The following UBE2Z variants were observed in gnomAD, a reference collection of about 807,000 sequenced individuals.
The protein encoded by UBE2Z is ubiquitin-conjugating enzyme E2 Z.
UBE2Z carries 10 observed loss-of-function variants against 32.6 expected under a neutral mutation model. The ratio of observed to expected loss-of-function variants is 0.31; its 90% confidence interval spans 0.19 to 0.52. The LOEUF (loss-of-function observed/expected upper bound fraction) is 0.52. UBE2Z is among the 20% of genes least tolerant of loss of function. The probability of loss-of-function intolerance (pLI) is 0.97; values close to 1 mark genes in which losing one functional copy is unlikely to be tolerated. For synonymous variants in UBE2Z, 183 were observed against 190.8 expected (o/e 0.96, Z 0.34); for missense variants, 343 against 480.9 (o/e 0.71, Z 2.68).
At chr17:48,923,117 T>G in intron 6 of UBE2Z, 180 bp downstream of exon 6, 2 of 475,550 alleles carry the variant, frequency 4.2e-6, no homozygotes, top group Non-Finnish European at 3.8e-6. Context: ...GTCGGGAAAT[T>G]GAGACCATCC....
chr17:48,911,240 A>G lies in UBE2Z; in HGVS notation c.390+360A>G, dbSNP rs1291978027. On this transcript the variant is annotated intron_variant, in intron 2 of 6. Transcript: ENST00000360943. ...TACCCAGCTCTTCCCCCATCCCGTT[A>G]CTCTTGACATTAACTATGCTATGGT... 6 of 220,148 alleles carry G rather than the reference A, an allele frequency of 2.7e-5. No individual in the cohort carries two copies. The East Asian group carries it at 5.9e-4, about 22-fold the overall frequency. 13.6% of individuals were successfully genotyped at this position (220,148 alleles called of 1,614,324 possible).
At chr17:48,921,795 G>T (rs1598076234) in intron 5 of UBE2Z, among the ~76,000 whole-genome samples, 1 of 152,186 alleles carries the variant, frequency 6.6e-6, no homozygotes, top group Admixed American at 6.5e-5. Flanking sequence ...TTGGGAGGCT[G>T]AGGCGGGAGG....
intron 6 of UBE2Z, among the ~76,000 whole-genome samples, chr17:48,925,411 T>G (rs2040791336): frequency 6.6e-6 from 1 of 152,100 alleles, no homozygotes; most frequent in Non-Finnish European, 1.5e-5. Flanking sequence ...TAGGAGGAGA[T>G]GACTTATGCC....
At position 48,927,099 on chromosome 17, in the gene UBE2Z, A is replaced by G; in HGVS notation, c.1030A>G (p.Thr344Ala). ...EMDSDSSSSGTETDLHGSLRV is the reference protein window; with the variant it reads ...EMDSDSSSSGAETDLHGSLRV ...GGACTCTGATAGCAGTTCATCTGGG[A>G]CAGAGACAGACCTTCATGGGAGCCT... Residue 344 changes from threonine (T) to alanine (A), a missense_variant, in exon 7 of 7, where the codon ACA becomes GCA. This residue lies in a region of UBE2Z where 182 missense variants were observed against 312.4 expected (regional missense o/e 0.58). Coordinates refer to ENST00000360943, the MANE Select transcript of UBE2Z (RefSeq NM_023079.5). 1 of 1,613,920 alleles carries G rather than the reference A, an allele frequency of 6.2e-7. No homozygotes were observed. The highest frequency in any genetic ancestry group is 1.1e-5 in the South Asian group (1 of 91,084).
chr17:48,921,327 A>C, intron 5 of UBE2Z, 55 bp downstream of exon 5: 1 of 1,375,890 alleles, frequency 7.3e-7, no homozygotes. Flanking sequence ...GGTAGTTGGC[A>C]TCTTTGGGGC....
chr17:48,918,585 G>A (rs916101713), intron 4 of UBE2Z, among the ~76,000 whole-genome samples: 2 of 151,876 alleles, frequency 1.3e-5, no homozygotes, highest in African/African-American at 2.4e-5. Flanking sequence ...AGCCTGCCTC[G>A]GCCTCACAAA....
intron 6 of UBE2Z, among the ~76,000 whole-genome samples, chr17:48,925,647 A>G (rs1254851657): frequency 2.6e-5 from 4 of 152,236 alleles, no homozygotes; most frequent in African/African-American, 9.6e-5. Flanking sequence ...AGGAAAAACA[A>G]CTGGTGATGA....
chr17:48,912,762 G>C, intron 2 of UBE2Z, 72 bp from the exon 3 acceptor site: 1 of 1,553,018 alleles, frequency 6.4e-7, no homozygotes, highest in Non-Finnish European at 8.8e-7. Flanking sequence ...GTGGGTAGTA[G>C]GTGGAGGGTA....
intron 1 of UBE2Z, 65 bp downstream of exon 1, chr17:48,908,885 C>A: frequency 1.8e-6 from 2 of 1,104,570 alleles, no homozygotes; most frequent in Non-Finnish European, 2.3e-6. Context: ...GCCCCCCACC[C>A]TCTCCCACTA....
chr17:48,921,090 T>C, intron 4 of UBE2Z, 70 bp from the exon 5 acceptor site: 2 of 1,298,402 alleles, frequency 1.5e-6, no homozygotes. Context: ...CATACTAATC[T>C]TGAAGTCCCT....
chr17:48,923,385 C>A lies in UBE2Z; in HGVS notation c.894+448C>A, dbSNP rs1412797836. Among the ~76,000 whole-genome samples the A allele has an allele frequency of 2.0e-5, 3 of 149,720 alleles. No homozygotes were observed. The East Asian group carries it at 5.8e-4, about 29-fold the overall frequency. ...GTGGCTCACGCCTGTAATCCCAGCACTTTGGGAGGCTGAGGTGGGCAGATC... is the reference window on the plus strand; with the variant it reads ...GTGGCTCACGCCTGTAATCCCAGCAATTTGGGAGGCTGAGGTGGGCAGATC... On this transcript the variant is annotated intron_variant, in intron 6 of 6. Transcript: ENST00000360943.
intron 3 of UBE2Z, among the ~76,000 whole-genome samples, chr17:48,913,343 G>T (rs571719335): frequency 4.6e-5 from 7 of 152,158 alleles, no homozygotes; most frequent in South Asian, 2.1e-4. Flanking sequence ...CAAAAATCTG[G>T]TTTTTTTGGT....
At chr17:48,917,828 C>T (rs1013401572) in intron 4 of UBE2Z, among the ~76,000 whole-genome samples, 1 of 152,196 alleles carries the variant, frequency 6.6e-6, no homozygotes, top group African/African-American at 2.4e-5. Context: ...AGCCCAACTT[C>T]TCCCACTCTT....
intron 4 of UBE2Z, among the ~76,000 whole-genome samples, chr17:48,917,184 T>C (rs1027753381): frequency 3.3e-5 from 5 of 152,090 alleles, no homozygotes; most frequent in Non-Finnish European, 7.4e-5. Context: ...CAGGCGCCTG[T>C]AGTCCCAGCT....
At chr17:48,923,369 G>T (rs548352017) in intron 6 of UBE2Z, among the ~76,000 whole-genome samples, 1 of 148,202 alleles carries the variant, frequency 6.7e-6, no homozygotes, top group Admixed American at 6.8e-5. Flanking sequence ...GGTGGCTCAC[G>T]CCTGTAATCC....
In UBE2Z at chr17:48,908,831, G is replaced by A. The variant is rs2040649626; in HGVS notation, c.317+11G>A. 4 of 1,487,780 alleles carry A rather than the reference G, an allele frequency of 2.7e-6. No individual in the cohort carries two copies. In the East Asian group the frequency reaches 8.6e-5, roughly 32 times the overall value. 92.2% of individuals were successfully genotyped at this position (1,487,780 alleles called of 1,614,324 possible). A position where few individuals can be genotyped will look rare whatever the true frequency, so the allele number is the denominator to read the frequency against. On this transcript the variant is annotated intron_variant, in intron 1 of 6. Transcript: ENST00000360943. The stretch of plus-strand genomic sequence containing the variant: ...ACTCCGGATCAAGCGGTGAGCCGGG[G>A]TTTTTCCTCCCCCAGCCCCGAGCTC...
At chr17:48,915,948 AT>A (rs2040716335) in intron 3 of UBE2Z, 127 bp from the exon 4 acceptor site, 1 of 509,580 alleles carries the variant, frequency 2.0e-6, no homozygotes, top group East Asian at 4.0e-5. Flanking sequence ...AGGCTGGGAA[AT>A]TCCAGAGTAT....
intron 1 of UBE2Z, among the ~76,000 whole-genome samples, chr17:48,910,007 G>A (rs2040664571): frequency 6.6e-6 from 1 of 152,108 alleles, no homozygotes; most frequent in African/African-American, 2.4e-5. Flanking sequence ...ATCCAATTCT[G>A]ACATACCTTT....
At chr17:48,913,055 G>T (rs1365891850) in intron 3 of UBE2Z, 34 bp downstream of exon 3, 7 of 1,602,170 alleles carry the variant, frequency 4.4e-6, no homozygotes, top group Non-Finnish European at 6.0e-6. Context: ...CAAGTCGGTT[G>T]TTAGCAGATA....
Sources: allele counts gnomAD v4.1 joint callset (sites outside exome capture counted in the v4.1 genomes callset), GRCh38; gene constraint gnomAD v4.1.1; regional missense constraint gnomAD v4.1.1; transcripts MANE v1.5; gene names NCBI Gene and HGNC (gene_info 2026-07-23, HGNC 2026-07-21).